The following OR7E24 variants were observed in gnomAD, a reference collection of about 807,000 sequenced individuals.
OR7E24 encodes olfactory receptor family 7 subfamily E member 24.
For synonymous variants in OR7E24, 130 were observed against 157.5 expected (o/e 0.83, Z 1.31); for missense variants, 385 against 410.3 (o/e 0.94, Z 0.53).
chr19:9,244,570 A>C (rs2066124279), upstream of OR7E24, among the ~76,000 whole-genome samples: 1 of 152,208 alleles, frequency 6.6e-6, no homozygotes, highest in Non-Finnish European at 1.5e-5. Context: ...CAAAGGCCTA[A>C]ACCTAAATTC....
In OR7E24 at chr19:9,251,929, T is replaced by C. The variant is rs1317492963; in HGVS notation, c.886T>C (p.Tyr296His). ...GAAGAGTATGGTGGCTTCAGTGATG[T>C]ACACTGTGGTCACCCCCATGCTGAA... Reference protein sequence around the residue: ...PRKSMVASVMYTVVTPMLNPF... With the variant: ...PRKSMVASVMHTVVTPMLNPF... The change falls in exon 1 of 1, where the codon TAC becomes CAC. Residue 296 changes from tyrosine to histidine, a missense_variant. Physicochemically the swap from Tyr to His is moderately conservative, Grantham distance 83. Coordinates refer to ENST00000456448, the MANE Select transcript of OR7E24 (RefSeq NM_001079935.2). The C allele has an allele frequency of 6.2e-7, 1 of 1,614,196 alleles. No homozygotes were observed. Among genetic ancestry groups the C allele is most frequent in the Admixed American group, 1.7e-5 (1 of 60,022 alleles).
At chr19:9,249,870 G>T (rs143430506), upstream of OR7E24, among the ~76,000 whole-genome samples, 2,288 of 152,040 alleles carry the variant, frequency 0.015, 56 homozygotes, top group African/African-American at 0.052. Flanking sequence ...CATAAGAATC[G>T]CTTGAACCCA....
At chr19:9,224,042 G>C in the OR7E24 span, among the ~76,000 whole-genome samples, 1 of 151,946 alleles carries the variant, frequency 6.6e-6, no homozygotes, top group Non-Finnish European at 1.5e-5. Context: ...AATAGAGACA[G>C]GGTTTCACCA....
At chr19:9,208,702 T>G in the OR7E24 span, 1 of 149,886 alleles carries the variant, frequency 6.7e-6, no homozygotes, top group Non-Finnish European at 1.5e-5. Context: ...TTTTTTTTTT[T>G]TTTTTTTGAG....
the OR7E24 span, among the ~76,000 whole-genome samples, chr19:9,228,365 C>T: frequency 2.0e-5 from 3 of 152,136 alleles, no homozygotes; most frequent in Non-Finnish European, 2.9e-5. Flanking sequence ...TATTTTCATT[C>T]TCTTTGAAAT....
Position 9,251,689 on chromosome 19 carries a change from G to C in OR7E24, c.646G>C (p.Val216Leu). 1 of 1,613,618 alleles carries C rather than the reference G, an allele frequency of 6.2e-7. No individual in the cohort carries two copies. Reference protein sequence around the residue: ...RCSDTFINEMVIYFMGAIFGC... With the variant: ...RCSDTFINEMLIYFMGAIFGC... ...TTCCGACACCTTCATCAATGAAATG[G>C]TCATATATTTCATGGGTGCCATATT... Residue 216 changes from valine (V) to leucine (L), a missense_variant, in exon 1 of 1, where the codon GTC (valine) becomes CTC (leucine). Val to Leu is a conservative substitution (Grantham distance 32). Transcript: ENST00000456448.
the OR7E24 span, among the ~76,000 whole-genome samples, chr19:9,216,457 A>C: frequency 2.0e-5 from 3 of 152,084 alleles, no homozygotes; most frequent in Non-Finnish European, 4.4e-5. Flanking sequence ...CAGCTACCTC[A>C]CCTCCATAGT....
the OR7E24 span, among the ~76,000 whole-genome samples, chr19:9,233,835 T>G: frequency 9.9e-4 from 150 of 152,040 alleles, no homozygotes; most frequent in African/African-American, 3.4e-3. Flanking sequence ...CTTCAATCCG[T>G]CCATGCAGAA....
the OR7E24 span, among the ~76,000 whole-genome samples, chr19:9,240,057 G>A: frequency 6.6e-6 from 1 of 151,948 alleles, no homozygotes; most frequent in Non-Finnish European, 1.5e-5. Context: ...ATTTAGTCGA[G>A]ATGGGGTCTC....
At chr19:9,235,763 G>A in the OR7E24 span, 3 of 1,609,142 alleles carry the variant, frequency 1.9e-6, no homozygotes, top group East Asian at 2.2e-5. Context: ...GCACTGCTGG[G>A]TGTGTTTCCT....
chr19:9,243,320 C>T (rs1019642466), upstream of OR7E24, among the ~76,000 whole-genome samples: 2 of 151,536 alleles, frequency 1.3e-5, no homozygotes, highest in African/African-American at 4.9e-5. Context: ...GTAATGAATG[C>T]TTACAATTTT....
the OR7E24 span, among the ~76,000 whole-genome samples, chr19:9,224,795 T>C: frequency 9.6e-4 from 145 of 151,602 alleles, no homozygotes; most frequent in African/African-American, 3.4e-3. Flanking sequence ...AGAGATTCCA[T>C]AGATGCACTC....
At chr19:9,214,545 A>G in the OR7E24 span, 2 of 1,614,178 alleles carry the variant, frequency 1.2e-6, no homozygotes, top group Non-Finnish European at 1.7e-6. Context: ...CACCTGAGTG[A>G]GGCACCCCAT....
At chr19:9,229,829 A>T in the OR7E24 span, among the ~76,000 whole-genome samples, 1 of 152,144 alleles carries the variant, frequency 6.6e-6, no homozygotes, top group Admixed American at 6.6e-5. Context: ...GCCACCCCTC[A>T]AGTGTAATTC....
rs983287902 is a variant in OR7E24 at position 9,252,381 on chromosome 19, T to TA, written c.*327dup. Reference sequence around the variant, plus strand: ...AAGAGGTTTTTGGAAACTGCAACTTTAAAAAAAAAGCGCAGCAGGTCCTGA... The same window carrying TA: ...AAGAGGTTTTTGGAAACTGCAACTTTAAAAAAAAAAGCGCAGCAGGTCCTGA... On this transcript the variant is annotated 3_prime_UTR_variant, in exon 1 of 1. Coordinates refer to ENST00000456448, the MANE Select transcript of OR7E24 (RefSeq NM_001079935.2). The TA allele has an allele frequency of 6.5e-4, 115 of 176,252 alleles. No homozygotes were observed. Among genetic ancestry groups the TA allele is most frequent in the Middle Eastern group, 2.4e-3 (1 of 414 alleles). The allele number at this position is 176,252 out of a possible 1,614,324, so 10.9% of individuals were successfully genotyped here.
At chr19:9,222,196 C>A in the OR7E24 span, among the ~76,000 whole-genome samples, 3 of 152,140 alleles carry the variant, frequency 2.0e-5, no homozygotes, top group East Asian at 1.9e-4. Flanking sequence ...TTTATGCCAG[C>A]ACCATGCTGT....
chr19:9,249,001 TC>T (rs2066137926), upstream of OR7E24, among the ~76,000 whole-genome samples: 1 of 152,194 alleles, frequency 6.6e-6, no homozygotes, highest in African/African-American at 2.4e-5. Flanking sequence ...TTCTGGTAGA[TC>T]CCACTGCAGT....
chr19:9,241,167 G>T, the OR7E24 span, among the ~76,000 whole-genome samples: 8 of 152,274 alleles, frequency 5.3e-5, no homozygotes, highest in South Asian at 1.5e-3. Flanking sequence ...AGAAAGTAGG[G>T]TTCAATCTAC....
At chr19:9,214,220 C>T in the OR7E24 span, 152 of 1,614,016 alleles carry the variant, frequency 9.4e-5, no homozygotes, top group Non-Finnish European at 1.2e-4. Flanking sequence ...GAAACACACC[C>T]AGCAGTGCCG....
Sources: gnomAD v4.1 joint callset for allele counts (sites outside exome capture counted in the v4.1 genomes callset) on GRCh38, gnomAD v4.1.1 for gene constraint, MANE v1.5 for transcripts, NCBI Gene and HGNC (gene_info 2026-07-23, HGNC 2026-07-21) for gene names.